ITPRID1: variants seen among roughly 807,000 people sequenced by gnomAD.
ITPRID1 encodes the protein protein ITPRID1.
Under a neutral mutation model 95.4 loss-of-function variants are expected in ITPRID1, and 96 were observed. The observed-to-expected ratio is 1.01, with a 90% CI of 0.85 to 1.19. The LOEUF (loss-of-function observed/expected upper bound fraction) is 1.19. ITPRID1 is among the 50% of genes most tolerant of loss of function. ITPRID1 has a pLI of 0.00. For missense variants in ITPRID1, 1,339 were observed against 1,252.9 expected (o/e 1.07, Z -1.04); for synonymous variants, 510 against 453.6 (o/e 1.12, Z -1.58).
intron 1 of ITPRID1, among the ~76,000 whole-genome samples, chr7:31,532,420 T>C (rs1055502773): frequency 6.6e-6 from 1 of 152,184 alleles, no homozygotes; most frequent in Non-Finnish European, 1.5e-5. Context: ...CAGACATCCT[T>C]GTGTCATTTG....
At chr7:31,524,223 A>G (rs1783354983) in intron 1 of ITPRID1, among the ~76,000 whole-genome samples, 2 of 152,216 alleles carry the variant, frequency 1.3e-5, no homozygotes, top group South Asian at 4.1e-4. Context: ...TGGGGTTGGT[A>G]GAGAAAGGGG....
intron 10 of ITPRID1, among the ~76,000 whole-genome samples, chr7:31,589,345 T>C (rs1205133994): frequency 2.6e-5 from 4 of 152,080 alleles, no homozygotes; most frequent in African/African-American, 9.7e-5. Context: ...TGAGGCAGTA[T>C]CAAAGGTCAA....
In ITPRID1 at chr7:31,599,841, G is replaced by T. The variant is rs528436793; in HGVS notation, c.1228+16650G>T. Among the ~76,000 whole-genome samples, 3 of 151,650 alleles carry T rather than the reference G, an allele frequency of 2.0e-5. No homozygotes were observed. The East Asian group carries it at 5.8e-4, about 30-fold the overall frequency. ...CTCCCGAGTAGCTGGGACTACAGGC[G>T]CCTGCCACCACGCCCGGCTAAGTTT... On this transcript the variant is annotated intron_variant, in intron 10 of 14. Coordinates refer to ENST00000615280, the MANE Select transcript of ITPRID1 (RefSeq NM_001257967.3).
intron 10 of ITPRID1, among the ~76,000 whole-genome samples, chr7:31,627,718 C>T (rs973957818): frequency 7.0e-6 from 1 of 143,362 alleles, no homozygotes; most frequent in Non-Finnish European, 1.5e-5. Flanking sequence ...AGTGACTAAA[C>T]TTGACAGAAT....
At chr7:31,657,506 C>A (rs1791359051), downstream of ITPRID1, among the ~76,000 whole-genome samples, 1 of 152,172 alleles carries the variant, frequency 6.6e-6, no homozygotes, top group East Asian at 1.9e-4. Flanking sequence ...CGCTTTCATA[C>A]AAGGAGATGA....
At chr7:31,554,281 C>T in intron 3 of ITPRID1, 194 bp from the exon 4 acceptor site, 1 of 1,021,566 alleles carries the variant, frequency 9.8e-7, no homozygotes, top group African/African-American at 1.6e-5. Flanking sequence ...CAAGTTTACA[C>T]TTCATTCTCA....
At chr7:31,650,992 T>C (rs1790892775) in intron 12 of ITPRID1, 150 bp from the exon 13 acceptor site, 3 of 721,130 alleles carry the variant, frequency 4.2e-6, no homozygotes, top group Non-Finnish European at 6.4e-6. Context: ...ACCCAAATAT[T>C]GGGCTCTTCC....
intron 2 of ITPRID1, 126 bp downstream of exon 2, chr7:31,549,625 A>G: frequency 1.7e-6 from 1 of 592,038 alleles, no homozygotes; most frequent in Non-Finnish European, 2.7e-6. Context: ...CCAAGATGTC[A>G]GAAAGCAGCA....
At position 31,643,208 on chromosome 7, in the gene ITPRID1, A is replaced by T; in HGVS notation, c.1838A>T (p.Asp613Val). 6.2e-7 allele frequency: 1 copy of T among 1,613,816 alleles called. No individual in the cohort carries two copies. Among genetic ancestry groups the T allele is most frequent in the Non-Finnish European group, 8.5e-7 (1 of 1,179,876 alleles). ...ACTCAAGACAAGTTCCTTCATGTTG[A>T]CTCTGAGGCCCCACGAGAAGAGGAA... ...DHTQDKFLHVDSEAPREEESS... is the reference protein window; with the variant it reads ...DHTQDKFLHVVSEAPREEESS... The change falls in exon 12 of 15, where the codon GAC (aspartate) becomes GTC (valine). Residue 613 changes from aspartate (D) to valine (V), a missense_variant. By Grantham distance (152) the Asp-to-Val change is radical. Transcript: ENST00000615280.
At position 31,628,130 on chromosome 7, in the gene ITPRID1, C is replaced by A. The variant is rs115100651; in HGVS notation, c.1229-14046C>A. ...AGAGAGACCTCTCAAAAAGAGCTCTCACAATAAAGGACGGCAGCCATTTTC... is the reference window on the plus strand; with the variant it reads ...AGAGAGACCTCTCAAAAAGAGCTCTAACAATAAAGGACGGCAGCCATTTTC... On this transcript the variant is annotated intron_variant, in intron 10 of 14. Transcript: ENST00000615280. 3.5e-3 allele frequency among the ~76,000 whole-genome samples: 532 copies of A among 152,298 alleles called. 1 individual carries two copies. The highest frequency in any genetic ancestry group is 0.012 in the African/African-American group (504 of 41,552).
intron 6 of ITPRID1, among the ~76,000 whole-genome samples, chr7:31,570,628 A>G (rs1407681626): frequency 6.6e-6 from 1 of 152,176 alleles, no homozygotes; most frequent in African/African-American, 2.4e-5. Context: ...TTATAGAATC[A>G]TAGAGCTATA....
At position 31,656,423 on chromosome 7, in the gene ITPRID1, T is replaced by G; in HGVS notation, c.*3594T>G. 6.0e-6 allele frequency: 4 copies of G among 664,882 alleles called. No homozygotes were observed. Among genetic ancestry groups the G allele is most frequent in the Non-Finnish European group, 7.4e-6 (4 of 537,746 alleles). The allele number at this position is 664,882 out of a possible 1,614,324, so 41.2% of individuals were successfully genotyped here. ...ATCCTGTGCAGTGTTTAATCCAATG[T>G]CCATCACGTAGTAAGTGTTCAATGC... On this transcript the variant is annotated 3_prime_UTR_variant, in exon 15 of 15. Transcript: ENST00000615280.
chr7:31,555,234 A>G (rs776059408), intron 5 of ITPRID1: 1 of 184,230 alleles, frequency 5.4e-6, no homozygotes, highest in African/African-American at 2.3e-5. Flanking sequence ...CCTGTATTAT[A>G]CTTTTATTTC....
At chr7:31,590,871 C>T (rs760291623) in intron 10 of ITPRID1, among the ~76,000 whole-genome samples, 1 of 152,170 alleles carries the variant, frequency 6.6e-6, no homozygotes, top group Non-Finnish European at 1.5e-5. Context: ...AAGGTAGGCA[C>T]TGTTACTATT....
intron 1 of ITPRID1, among the ~76,000 whole-genome samples, chr7:31,547,582 G>T (rs963858137): frequency 1.3e-5 from 2 of 152,092 alleles, no homozygotes; most frequent in Non-Finnish European, 2.9e-5. Flanking sequence ...TCGATATGGG[G>T]ACTATAGGAA....
intron 10 of ITPRID1, among the ~76,000 whole-genome samples, chr7:31,587,109 T>A (rs891319388): frequency 5.3e-5 from 8 of 152,094 alleles, no homozygotes; most frequent in Admixed American, 1.3e-4. Flanking sequence ...CACCACTCCT[T>A]TTCAACATAG....
intron 1 of ITPRID1, among the ~76,000 whole-genome samples, chr7:31,547,728 G>A (rs1376749821): frequency 6.6e-6 from 1 of 152,082 alleles, no homozygotes; most frequent in Non-Finnish European, 1.5e-5. Context: ...ATAAGCAACT[G>A]CCTGAATAGT....
intron 10 of ITPRID1, among the ~76,000 whole-genome samples, chr7:31,617,455 G>A (rs915523458): frequency 3.3e-5 from 5 of 151,532 alleles, no homozygotes; most frequent in African/African-American, 4.9e-5. Flanking sequence ...TTAATTAAAA[G>A]AAAATGTGAA....
chr7:31,650,682 T>C (rs1039680361), intron 12 of ITPRID1, among the ~76,000 whole-genome samples: 9 of 152,188 alleles, frequency 5.9e-5, no homozygotes, highest in Admixed American at 5.9e-4. Context: ...AACATTATTC[T>C]AAGCAGATTT....
Sources: allele counts gnomAD v4.1 joint callset (sites outside exome capture counted in the v4.1 genomes callset), GRCh38; gene constraint gnomAD v4.1.1; transcripts MANE v1.5; gene names NCBI Gene and HGNC (gene_info 2026-07-23, HGNC 2026-07-21).